Variants in DOCK8 observed in about 807,000 individuals in gnomAD.
DOCK8 encodes the protein dedicator of cytokinesis protein 8.
A neutral mutation model predicts 245.6 loss-of-function variants in DOCK8; 141 were observed. The observed-to-expected ratio is 0.57, with a 90% CI of 0.50 to 0.66. The LOEUF (loss-of-function observed/expected upper bound fraction) is 0.66. Among genes scored for constraint, DOCK8 ranks in the 30% least tolerant of loss-of-function variants. The pLI is 0.00. For missense variants in DOCK8, 2,965 were observed against 2,603.4 expected, an observed-to-expected ratio of 1.14 and a Z score of -3.02; for synonymous variants, 1,168 against 970.2, an observed-to-expected ratio of 1.20 and a Z score of -3.79.
chr9:336,465 A>C, intron 11 of DOCK8, 117 bp from the exon 12 acceptor site: 2 of 1,348,680 alleles, frequency 1.5e-6, no homozygotes, highest in Non-Finnish European at 2.1e-6. Context: ...CAAAACAAGG[A>C]TGGCCATATT....
At chr9:449,996 C>T in intron 45 of DOCK8, 69 bp downstream of exon 45, 1 of 1,559,530 alleles carries the variant, frequency 6.4e-7, no homozygotes. Context: ...CGTCTGCACC[C>T]TTCTTCCTTG....
At chr9:434,535 T>C (rs1418513651) in intron 38 of DOCK8, among the ~76,000 whole-genome samples, 1 of 152,064 alleles carries the variant, frequency 6.6e-6, no homozygotes, top group Non-Finnish European at 1.5e-5. Flanking sequence ...TTATCAGGTA[T>C]TTTTTCCCCA....
At chr9:231,703 T>G (rs895113421) in intron 1 of DOCK8, among the ~76,000 whole-genome samples, 2 of 152,212 alleles carry the variant, frequency 1.3e-5, no homozygotes, top group African/African-American at 2.4e-5. Flanking sequence ...TCTGTTTGTC[T>G]GTTATTGGTG....
At chr9:439,645 TCA>T (rs2057023561) in intron 40 of DOCK8, among the ~76,000 whole-genome samples, 1 of 152,224 alleles carries the variant, frequency 6.6e-6, no homozygotes, top group African/African-American at 2.4e-5. Context: ...GGCAGCAGTT[TCA>T]CAGTATTATT....
At chr9:214,476 G>A (rs534035330), upstream of DOCK8, 3 of 1,579,054 alleles carry the variant, frequency 1.9e-6, no homozygotes, top group Admixed American at 3.7e-5. Context: ...TGCCTTCTTC[G>A]AGAATGGTGT....
chr9:275,496 G>A (rs1586568456), intron 2 of DOCK8, among the ~76,000 whole-genome samples: 1 of 152,270 alleles, frequency 6.6e-6, no homozygotes, highest in East Asian at 1.9e-4. Context: ...TGGGGGTGGG[G>A]ACCAAGCATC....
chr9:277,016 C>A (rs1363444078), intron 2 of DOCK8: 3 of 318,016 alleles, frequency 9.4e-6, no homozygotes, highest in Middle Eastern at 4.2e-4. Flanking sequence ...TCCATGTTGT[C>A]CAGGCTGGTC....
chr9:291,169 G>C (rs1196487609), intron 4 of DOCK8, among the ~76,000 whole-genome samples: 1 of 152,136 alleles, frequency 6.6e-6, no homozygotes, highest in Non-Finnish European at 1.5e-5. Flanking sequence ...CAAATAGAAA[G>C]ATCCATTTTG....
intron 23 of DOCK8, among the ~76,000 whole-genome samples, chr9:390,268 T>G (rs1665812181): frequency 6.6e-6 from 1 of 152,172 alleles, no homozygotes; most frequent in Non-Finnish European, 1.5e-5. Flanking sequence ...GACCCCAGCC[T>G]TCTATGCACC....
Position 379,934 on chromosome 9 carries a change from A to G in DOCK8, c.2604A>G (p.Ser868=), listed in dbSNP as rs1480192649. Reference sequence around the variant, plus strand: ...AGGTGCAAAGGGATGTGCCCAAGTCAGGTAGAGTTGCCCTGAGTGTGGGAC... The same window carrying G: ...AGGTGCAAAGGGATGTGCCCAAGTCGGGTAGAGTTGCCCTGAGTGTGGGAC... ...LPEVQRDVPK[S]GAPTALLDPR... The change falls in exon 21 of 48, where the codon TCA becomes TCG. Residue 868 remains serine (S), a splice_region_variant and synonymous_variant. Coordinates refer to ENST00000432829, the MANE Select transcript of DOCK8 (RefSeq NM_203447.4). 6.2e-7 allele frequency: 1 copy of G among 1,613,768 alleles called. No homozygotes were observed. The highest frequency in any genetic ancestry group is 8.5e-7 in the Non-Finnish European group (1 of 1,179,946).
At chr9:357,939 A>G (rs1389099829) in intron 14 of DOCK8, among the ~76,000 whole-genome samples, 1 of 152,090 alleles carries the variant, frequency 6.6e-6, no homozygotes, top group Non-Finnish European at 1.5e-5. Context: ...GTGAATTTGC[A>G]CTTTTATCTA....
chr9:278,332 A>G (rs940868966), intron 2 of DOCK8, among the ~76,000 whole-genome samples: 8 of 152,248 alleles, frequency 5.3e-5, no homozygotes, highest in African/African-American at 1.9e-4. Flanking sequence ...CACAGAAGCT[A>G]GAAGAACTTT....
At chr9:410,265 C>T (rs1209480256) in intron 28 of DOCK8, among the ~76,000 whole-genome samples, 1 of 152,040 alleles carries the variant, frequency 6.6e-6, no homozygotes, top group East Asian at 1.9e-4. Context: ...AGTTACAGGC[C>T]CCCCTCAAGT....
chr9:365,537 C>T (rs978137467), intron 14 of DOCK8: 1 of 442,804 alleles, frequency 2.3e-6, no homozygotes, highest in Non-Finnish European at 4.5e-6. Context: ...TAATAGAAGT[C>T]TACTGCTAGT....
At chr9:371,033 C>T (rs2053263346) in intron 16 of DOCK8, among the ~76,000 whole-genome samples, 1 of 152,184 alleles carries the variant, frequency 6.6e-6, no homozygotes, top group African/African-American at 2.4e-5. Flanking sequence ...CATTCATTTG[C>T]TTCTACTCTT....
chr9:259,137 C>T (rs368328562), intron 1 of DOCK8, among the ~76,000 whole-genome samples: 1 of 151,954 alleles, frequency 6.6e-6, no homozygotes, highest in Non-Finnish European at 1.5e-5. Flanking sequence ...CATGACCCAT[C>T]TCGACATAAA....
At chr9:390,422 A>T (rs2054139309) in intron 23 of DOCK8, 49 bp from the exon 24 acceptor site, 9 of 1,538,626 alleles carry the variant, frequency 5.8e-6, no homozygotes, top group Non-Finnish European at 8.1e-6. Context: ...GTGTTGGTGA[A>T]TAATAATAGC....
intron 26 of DOCK8, among the ~76,000 whole-genome samples, chr9:403,950 A>G (rs1169816331): frequency 2.5e-5 from 2 of 80,072 alleles, no homozygotes; most frequent in Non-Finnish European, 4.3e-5. Flanking sequence ...ATATGTGTAT[A>G]TATATATATG....
intron 28 of DOCK8, among the ~76,000 whole-genome samples, chr9:412,653 T>C (rs890173490): frequency 2.0e-5 from 3 of 151,778 alleles, no homozygotes; most frequent in Admixed American, 6.6e-5. Context: ...AAGAAAACAA[T>C]TTCATATAAA....
Sources: allele counts gnomAD v4.1 joint callset (sites outside exome capture counted in the v4.1 genomes callset), GRCh38; gene constraint gnomAD v4.1.1; transcripts MANE v1.5; gene names NCBI Gene and HGNC (gene_info 2026-07-23, HGNC 2026-07-21).